EMSY: variants seen among roughly 807,000 people sequenced by gnomAD.
EMSY encodes the protein EMSY transcriptional repressor, BRCA2 interacting.
EMSY carries 26 observed loss-of-function variants against 134.6 expected under a neutral mutation model. The ratio of observed to expected loss-of-function variants is 0.19; its 90% CI spans 0.14 to 0.27. The LOEUF (loss-of-function observed/expected upper bound fraction) is 0.27, where lower values mean the gene tolerates loss of function less well. Ranked by LOEUF, EMSY falls within the 10% of genes least tolerant of loss-of-function variation. The pLI, the probability that EMSY is intolerant of heterozygous loss-of-function variation, is 1.00. For missense variants in EMSY, 1,305 were observed against 1,611.4 expected, an observed-to-expected ratio of 0.81 and a Z score of 3.26; for synonymous variants, 579 against 577.8, an observed-to-expected ratio of 1.00 and a Z score of -0.03.
chr11:76,453,750 A>C (rs1947761170), intron 4 of EMSY: 1 of 161,062 alleles, frequency 6.2e-6, no homozygotes, highest in African/African-American at 2.4e-5. Context: ...GGTATTTGAT[A>C]TGTTATTACC....
At chr11:76,459,852 G>A (rs1039156296) in intron 5 of EMSY, 81 bp from the exon 7 acceptor site, 4 of 1,503,256 alleles carry the variant, frequency 2.7e-6, no homozygotes, top group Non-Finnish European at 3.7e-6. Flanking sequence ...GTTAAAATTG[G>A]CCTGCAATAA....
intron 20 of EMSY, 66 bp from the exon 22 acceptor site, chr11:76,549,886 A>G (rs908737792): frequency 3.4e-6 from 4 of 1,186,680 alleles, no homozygotes; most frequent in South Asian, 2.0e-5. Flanking sequence ...TTTTCTTGAT[A>G]TTGTTGGGGA....
chr11:76,449,196 A>T (rs1465627651), intron 2 of EMSY, among the ~76,000 whole-genome samples: 2 of 152,202 alleles, frequency 1.3e-5, no homozygotes, highest in African/African-American at 4.8e-5. Context: ...TAATACCAGA[A>T]ATTCAACTAA....
At chr11:76,483,906 A>C (rs1378580603) in intron 8 of EMSY, among the ~76,000 whole-genome samples, 1 of 152,210 alleles carries the variant, frequency 6.6e-6, no homozygotes, top group African/African-American at 2.4e-5. Flanking sequence ...GACCTAATAG[A>C]CATCTACAGA....
At chr11:76,494,818 C>T (rs954304049) in intron 8 of EMSY, among the ~76,000 whole-genome samples, 2 of 151,964 alleles carry the variant, frequency 1.3e-5, no homozygotes, top group African/African-American at 4.8e-5. Flanking sequence ...TCACTGCAAC[C>T]TCTGCTTCCC....
intron 6 of EMSY, 120 bp downstream of exon 7, chr11:76,460,205 T>C: frequency 8.3e-7 from 1 of 1,201,918 alleles, no homozygotes. Flanking sequence ...AGGTTAGTTT[T>C]TGAAGATTTT....
At position 76,520,795 on chromosome 11, in the gene EMSY, G is replaced by A. The variant is rs530332213; in HGVS notation, c.1685-2360G>A. 2.0e-3 allele frequency among the ~76,000 whole-genome samples: 223 copies of A among 114,004 alleles called. 1 individual carries two copies. The highest frequency in any genetic ancestry group is 3.7e-3 in the Non-Finnish European group (180 of 49,066). 74.8% of individuals were successfully genotyped at this position (114,004 alleles called of 152,430 possible). A position where few individuals can be genotyped will look rare whatever the true frequency, so the allele number is the denominator to read the frequency against. ...CTAAGTTTACACAAACTTAGTGTAA[G>A]TTTGTATAAAACTTAAGTAAGGAAT... On this transcript the variant is annotated intron_variant, in intron 11 of 20. Transcript: ENST00000334736.
chr11:76,487,235 G>T (rs1415526457), intron 8 of EMSY, among the ~76,000 whole-genome samples: 1 of 152,214 alleles, frequency 6.6e-6, no homozygotes, highest in Non-Finnish European at 1.5e-5. Flanking sequence ...AGCTGAGATG[G>T]TGCCACTGCA....
At position 76,523,704 on chromosome 11, in the gene EMSY, C is replaced by CTT. The variant is rs746491659; in HGVS notation, c.1821+433_1821+434dup. 3.3e-3 allele frequency among the ~76,000 whole-genome samples: 268 copies of CTT among 80,526 alleles called. 7 individuals are homozygous for CTT. In the East Asian group the frequency reaches 0.044, roughly 13 times the overall value. 52.8% of individuals were successfully genotyped at this position (80,526 alleles called of 152,430 possible). Reference sequence around the variant, plus strand: ...TTAATTGATGGGGATTTGTTACTTTCTTTTTTTTTTTTTTTTTTTTTCATT... The same window carrying CTT: ...TTAATTGATGGGGATTTGTTACTTTCTTTTTTTTTTTTTTTTTTTTTTTCATT... On this transcript the variant is annotated intron_variant, in intron 12 of 20. Transcript: ENST00000334736.
intron 15 of EMSY, 128 bp from the exon 17 acceptor site, chr11:76,537,667 A>G (rs948451609): frequency 3.0e-5 from 23 of 772,658 alleles, no homozygotes; most frequent in Admixed American, 6.3e-5. Context: ...TTTCTTTTCA[A>G]TTCACTGTCT....
At position 76,463,865 on chromosome 11, in the gene EMSY, C is replaced by T. The variant is rs61741528; in HGVS notation, c.616C>T (p.Arg206Ter). 6.2e-7 allele frequency: 1 copy of T among 1,614,098 alleles called. No homozygotes were observed. The highest frequency in any genetic ancestry group is 8.5e-7 in the Non-Finnish European group (1 of 1,180,012). ...AGATGAAAAACCCAGAAAACGAAGGCGAACAAACTCTTCCAGCTCCTCTCC... is the reference window on the plus strand; with the variant it reads ...AGATGAAAAACCCAGAAAACGAAGGTGAACAAACTCTTCCAGCTCCTCTCC... Residue 206 changes from arginine (R) to a stop codon, truncating the protein, a stop_gained, in exon 7 of 21, where the codon CGA becomes TGA. Transcript: ENST00000334736. LOFTEE classifies it high-confidence loss of function.
intron 4 of EMSY, among the ~76,000 whole-genome samples, chr11:76,454,358 A>G (rs559834711): frequency 2.0e-4 from 30 of 152,082 alleles, no homozygotes; most frequent in Admixed American, 7.9e-4. Context: ...GAATTTTGAG[A>G]TTCTTCAGTG....
intron 8 of EMSY, among the ~76,000 whole-genome samples, chr11:76,473,991 A>G (rs950145803): frequency 6.6e-5 from 10 of 151,966 alleles, no homozygotes; most frequent in African/African-American, 2.4e-4. Flanking sequence ...TTAGCCGGGC[A>G]TGGTAGTGCA....
chr11:76,464,155 C>A, intron 7 of EMSY, 75 bp downstream of exon 8: 1 of 1,539,426 alleles, frequency 6.5e-7, no homozygotes, highest in Non-Finnish European at 8.9e-7. Context: ...TAAACATGCA[C>A]TGAGTGCTTA....
intron 9 of EMSY, among the ~76,000 whole-genome samples, chr11:76,501,173 A>G (rs1949844616): frequency 1.3e-5 from 2 of 152,136 alleles, no homozygotes; most frequent in Non-Finnish European, 2.9e-5. Context: ...TTTTTCCTAA[A>G]TATTTTTGAT....
chr11:76,505,076 C>T (rs1234070082), intron 9 of EMSY, among the ~76,000 whole-genome samples: 1 of 152,100 alleles, frequency 6.6e-6, no homozygotes, highest in East Asian at 1.9e-4. Flanking sequence ...GTTCTAAAAT[C>T]AATTGTTATG....
intron 9 of EMSY, among the ~76,000 whole-genome samples, chr11:76,505,928 C>G (rs1950058998): frequency 6.6e-6 from 1 of 151,846 alleles, no homozygotes; most frequent in South Asian, 2.1e-4. Context: ...CTTTGGTAGG[C>G]CAAGGCGAGA....
At chr11:76,459,849 T>C in intron 5 of EMSY, 84 bp from the exon 7 acceptor site, 1 of 1,488,906 alleles carries the variant, frequency 6.7e-7, no homozygotes, top group Non-Finnish European at 9.3e-7. Context: ...AATGTTAAAA[T>C]TGGCCTGCAA....
In EMSY at chr11:76,487,001, G is replaced by A. The variant is rs57832129; in HGVS notation, c.1109-9214G>A. Among the ~76,000 whole-genome samples, 1,403 of 152,328 alleles carry A rather than the reference G, an allele frequency of 9.2e-3. 21 individuals are homozygous for A. The highest frequency in any genetic ancestry group is 0.032 in the African/African-American group (1,338 of 41,562). ...GTTGTTAATAAGACAGATGAGGCTG[G>A]GTGCAGTGGCTCACGCCTGTAATCC... On this transcript the variant is annotated intron_variant, in intron 8 of 20. Coordinates refer to ENST00000334736, the Ensembl canonical transcript of EMSY.
Sources: allele counts gnomAD v4.1 joint callset (sites outside exome capture counted in the v4.1 genomes callset), GRCh38; gene constraint gnomAD v4.1.1; transcripts MANE v1.5; gene names NCBI Gene and HGNC (gene_info 2026-07-23, HGNC 2026-07-21).